CRYBG3: variants seen among roughly 807,000 people sequenced by gnomAD.
CRYBG3 encodes the protein very large A-kinase anchor protein.
CRYBG3 carries 127 observed loss-of-function variants against 244.2 expected under a neutral mutation model. That is an observed-to-expected ratio of 0.52 (90% CI 0.45 to 0.60). The LOEUF (loss-of-function observed/expected upper bound fraction) is 0.60. Among genes scored for constraint, CRYBG3 ranks in the 20% least tolerant of loss-of-function variants. The probability of loss-of-function intolerance (pLI) is 0.00; values close to 1 mark genes in which losing one functional copy is unlikely to be tolerated. For missense variants in CRYBG3, 3,325 were observed against 3,442.5 expected (o/e 0.97, Z 0.85); for synonymous variants, 1,132 against 1,195.8 (o/e 0.95, Z 1.10).
chr3:97,866,280 C>A (rs1294039413), intron 3 of CRYBG3, among the ~76,000 whole-genome samples: 1 of 151,980 alleles, frequency 6.6e-6, no homozygotes, highest in Non-Finnish European at 1.5e-5. Flanking sequence ...ATATCAAGAG[C>A]CTTAAGTTTG....
chr3:97,887,270 G>A (rs1215264321), intron 8 of CRYBG3, among the ~76,000 whole-genome samples: 1 of 152,176 alleles, frequency 6.6e-6, no homozygotes. Flanking sequence ...TATCTGTTAG[G>A]ACTATGGGTC....
intron 7 of CRYBG3, among the ~76,000 whole-genome samples, chr3:97,882,938 C>G (rs2039467529): frequency 6.6e-6 from 1 of 152,168 alleles, no homozygotes; most frequent in Admixed American, 6.5e-5. Context: ...AATAGAAATA[C>G]AAGTGAGATA....
intron 15 of CRYBG3, among the ~76,000 whole-genome samples, chr3:97,910,930 C>T (rs373484421): frequency 4.6e-5 from 7 of 152,344 alleles, no homozygotes; most frequent in African/African-American, 1.4e-4. Flanking sequence ...TTGCTATCCT[C>T]TATATCTGCT....
chr3:97,935,566 T>C (rs774687978), intron 18 of CRYBG3, among the ~76,000 whole-genome samples: 4 of 152,026 alleles, frequency 2.6e-5, no homozygotes, highest in Non-Finnish European at 4.4e-5. Flanking sequence ...TTTCCTCAGC[T>C]CTCCCCTTCT....
intron 16 of CRYBG3, among the ~76,000 whole-genome samples, chr3:97,914,833 T>G (rs1257318935): frequency 6.6e-6 from 1 of 152,142 alleles, no homozygotes; most frequent in Non-Finnish European, 1.5e-5. Context: ...CTAGCAAGAG[T>G]GCAGTTCTGG....
At chr3:97,879,073 T>G (rs1178018764) in intron 4 of CRYBG3, among the ~76,000 whole-genome samples, 1 of 152,140 alleles carries the variant, frequency 6.6e-6, no homozygotes, top group African/African-American at 2.4e-5. Context: ...TTAAAAGAAA[T>G]GATAGGATTT....
chr3:97,916,895 A>C (rs979790220), intron 17 of CRYBG3, among the ~76,000 whole-genome samples: 1 of 152,154 alleles, frequency 6.6e-6, no homozygotes, highest in Non-Finnish European at 1.5e-5. Context: ...GTTTAAAAAA[A>C]ATAATGTGAT....
Position 97,876,920 on chromosome 3 carries a change from A to G in CRYBG3, c.5726A>G (p.Glu1909Gly). The G allele has an allele frequency of 6.8e-7, 1 of 1,462,178 alleles. No individual in the cohort carries two copies. The allele number at this position is 1,462,178 out of a possible 1,614,324, so 90.6% of individuals were successfully genotyped here. ...GAAGGGAGTGTTGAAGAAACAAAGGAAGAGCCTACAGAAATAAAGGAAGGC... is the reference window on the plus strand; with the variant it reads ...GAAGGGAGTGTTGAAGAAACAAAGGGAGAGCCTACAGAAATAAAGGAAGGC... ...YAEGSVEETK[E>G]EPTEIKEGLI... The change falls in exon 4 of 22, where the codon GAA becomes GGA. Residue 1909 changes from glutamate to glycine, a missense_variant. By Grantham distance (98) the Glu-to-Gly change is moderately conservative. Coordinates refer to ENST00000389622, the MANE Select transcript of CRYBG3 (RefSeq NM_153605.4).
intron 1 of CRYBG3, among the ~76,000 whole-genome samples, chr3:97,839,068 T>C (rs2038775589): frequency 6.6e-6 from 1 of 152,182 alleles, no homozygotes. Context: ...TGGTTTTATT[T>C]GTGCGTACAT....
chr3:97,923,567 A>G (rs765001698), intron 17 of CRYBG3, among the ~76,000 whole-genome samples: 3 of 152,002 alleles, frequency 2.0e-5, no homozygotes, highest in East Asian at 3.9e-4. Flanking sequence ...CTGAAGTTCT[A>G]TCTAATAAAA....
At position 97,864,224 on chromosome 3, in the gene CRYBG3, A is replaced by G; in HGVS notation, c.224A>G (p.Gln75Arg). The G allele has an allele frequency of 6.7e-7, 1 of 1,487,304 alleles. No individual in the cohort carries two copies. Among genetic ancestry groups the G allele is most frequent in the South Asian group, 1.3e-5 (1 of 76,136 alleles). 92.1% of individuals were successfully genotyped at this position (1,487,304 alleles called of 1,614,324 possible). The stretch of plus-strand genomic sequence containing the variant: ...TCTATTTTGTTTTCAAAGATTCGCC[A>G]AAGTGAGGACAAAAGGAACCATGCT... Reference protein sequence around the residue: ...VLSSEAVKIRQSEDKRNHAEK... With the variant: ...VLSSEAVKIRRSEDKRNHAEK... The change falls in exon 3 of 22, where the codon CAA (glutamine) becomes CGA (arginine). Residue 75 changes from glutamine (Q) to arginine (R), a missense_variant. By Grantham distance (43) the Gln-to-Arg change is conservative. Around this residue, in one of 4 missense-constraint regions of CRYBG3, gnomAD observed 1,526 missense variants for 1,443.2 expected, o/e 1.06. Coordinates refer to ENST00000389622, the MANE Select transcript of CRYBG3 (RefSeq NM_153605.4).
chr3:97,910,873 C>T (rs1018123850), intron 15 of CRYBG3, among the ~76,000 whole-genome samples: 1 of 152,180 alleles, frequency 6.6e-6, no homozygotes, highest in Non-Finnish European at 1.5e-5. Context: ...TTTTATACAT[C>T]TTTAAGTTAA....
chr3:97,899,176 A>G lies in CRYBG3; in HGVS notation c.7884A>G (p.Gln2628=), dbSNP rs1411714734. ...AGCAAAAGTTCTTCTGTGGAGAACA[A>G]TACATTTTAGAAAAAGGGAAATACA... The part of the protein sequence containing the change: ...AYQQKFFCGE[Q]YILEKGKYKC... Residue 2628 remains glutamine (Q), a synonymous_variant, in exon 14 of 22, where the codon CAA becomes CAG. Coordinates refer to ENST00000389622, the MANE Select transcript of CRYBG3 (RefSeq NM_153605.4). 2.5e-6 allele frequency: 4 copies of G among 1,613,730 alleles called. No individual in the cohort carries two copies. The highest frequency in any genetic ancestry group is 1.3e-5 in the African/African-American group (1 of 74,916).
At chr3:97,879,796 C>T in intron 5 of CRYBG3, 48 bp downstream of exon 5, 1 of 1,373,524 alleles carries the variant, frequency 7.3e-7, no homozygotes, top group Non-Finnish European at 1.0e-6. Context: ...CATTAGGTAA[C>T]TTTCAGGCTT....
chr3:97,862,465 A>G (rs757908568), intron 2 of CRYBG3, among the ~76,000 whole-genome samples: 4 of 152,178 alleles, frequency 2.6e-5, no homozygotes, highest in Non-Finnish European at 4.4e-5. Context: ...AAAAGAATTA[A>G]TTACTGTTCT....
At chr3:97,917,753 A>G (rs551598557) in intron 17 of CRYBG3, among the ~76,000 whole-genome samples, 2 of 152,202 alleles carry the variant, frequency 1.3e-5, no homozygotes, top group South Asian at 4.2e-4. Context: ...AGTCATCAGG[A>G]GGTTATTTGT....
chr3:97,868,080 G>A (rs1186876709), intron 3 of CRYBG3, among the ~76,000 whole-genome samples: 5 of 152,000 alleles, frequency 3.3e-5, no homozygotes, highest in South Asian at 2.1e-4. Flanking sequence ...TCAGGAGATC[G>A]AGACCATCCT....
chr3:97,822,420 C>A, intron 1 of CRYBG3, 65 bp downstream of exon 1: 1 of 1,363,646 alleles, frequency 7.3e-7, no homozygotes, highest in Non-Finnish European at 9.5e-7. Context: ...GGCTCCCGGC[C>A]TGACCGCCGG....
chr3:97,896,561 G>C (rs2039642150), intron 12 of CRYBG3, among the ~76,000 whole-genome samples: 1 of 152,200 alleles, frequency 6.6e-6, no homozygotes, highest in African/African-American at 2.4e-5. Flanking sequence ...AAGTGAAGAA[G>C]TTCTAGAAAC....
Sources: gnomAD v4.1 joint callset for allele counts (sites outside exome capture counted in the v4.1 genomes callset) on GRCh38, gnomAD v4.1.1 for gene constraint, gnomAD v4.1.1 regional missense constraint, MANE v1.5 for transcripts, NCBI Gene and HGNC (gene_info 2026-07-23, HGNC 2026-07-21) for gene names.